CHN2: variants seen among roughly 807,000 people sequenced by gnomAD.
CHN2 encodes beta-chimaerin.
A neutral mutation model predicts 56.3 loss-of-function variants in CHN2; 35 were observed. The ratio of observed to expected loss-of-function variants is 0.62; its 90% CI spans 0.47 to 0.82. CHN2 has a LOEUF of 0.82. Ranked by LOEUF, CHN2 falls within the 40% of genes least tolerant of loss-of-function variation. The pLI is 0.00. For missense variants in CHN2, 491 were observed against 580.5 expected, an observed-to-expected ratio of 0.85 and a Z score of 1.58; for synonymous variants, 210 against 212.8, an observed-to-expected ratio of 0.99 and a Z score of 0.12.
chr7:29,296,133 G>C (rs1793139964), intron 1 of CHN2, among the ~76,000 whole-genome samples: 1 of 151,300 alleles, frequency 6.6e-6, no homozygotes, highest in Admixed American at 6.6e-5. Flanking sequence ...GCCCAGGCTG[G>C]AGTGCAGTGG....
intron 1 of CHN2, among the ~76,000 whole-genome samples, chr7:29,303,187 G>T (rs1793839983): frequency 6.6e-6 from 1 of 152,172 alleles, no homozygotes; most frequent in African/African-American, 2.4e-5. Flanking sequence ...GTTCCCCACA[G>T]CAAGACAGCT....
chr7:29,459,000 T>G (rs924411176), intron 6 of CHN2, among the ~76,000 whole-genome samples: 5 of 152,206 alleles, frequency 3.3e-5, no homozygotes, highest in African/African-American at 1.2e-4. Flanking sequence ...AGTGATCCTT[T>G]CACAAAGAAG....
intron 1 of CHN2, among the ~76,000 whole-genome samples, chr7:29,236,377 T>C (rs767446134): frequency 2.3e-4 from 35 of 152,234 alleles, no homozygotes; most frequent in Non-Finnish European, 4.1e-4. Context: ...GAAGCCCATC[T>C]TTGTGACTCA....
At chr7:29,424,392 A>G (rs1301499490) in intron 6 of CHN2, among the ~76,000 whole-genome samples, 1 of 152,092 alleles carries the variant, frequency 6.6e-6, no homozygotes, top group Non-Finnish European at 1.5e-5. Flanking sequence ...GGACATCTTC[A>G]GCAGTGATTT....
intron 2 of CHN2, among the ~76,000 whole-genome samples, chr7:29,183,266 TAG>T (rs984135594): frequency 1.3e-5 from 2 of 151,986 alleles, no homozygotes; most frequent in African/African-American, 4.8e-5. Context: ...GTATTTTCAG[TAG>T]AGACAGGGTT....
At chr7:29,299,031 A>C (rs1793425540) in intron 1 of CHN2, among the ~76,000 whole-genome samples, 1 of 152,158 alleles carries the variant, frequency 6.6e-6, no homozygotes, top group African/African-American at 2.4e-5. Flanking sequence ...AATTGAATTT[A>C]TTGGGAAAAA....
intron 3 of CHN2, 30 bp downstream of exon 3, chr7:29,368,017 T>C (rs1044590464): frequency 1.9e-6 from 3 of 1,578,770 alleles, no homozygotes; most frequent in African/African-American, 2.7e-5. Flanking sequence ...CAATACACCT[T>C]GTTAAATATG....
chr7:29,154,393 C>G (rs978401415), intron 2 of CHN2, among the ~76,000 whole-genome samples: 8 of 152,190 alleles, frequency 5.3e-5, no homozygotes, highest in Non-Finnish European at 1.2e-4. Context: ...CTCTTTGCCT[C>G]CCTTCACCTG....
chr7:29,407,526 A>G (rs2189439), intron 6 of CHN2, among the ~76,000 whole-genome samples: 87,311 of 151,808 alleles, frequency 0.58, 25,979 homozygotes, highest in African/African-American at 0.74. Context: ...GAACCTATAG[A>G]TTTTCTCTGC....
intron 6 of CHN2, chr7:29,479,956 C>T (rs1229677086): frequency 2.8e-6 from 4 of 1,449,830 alleles, no homozygotes; most frequent in Admixed American, 2.7e-5. Context: ...ATCACTCAAA[C>T]TGGGCCTTTC....
chr7:29,392,546 C>A (rs764548939), intron 3 of CHN2, among the ~76,000 whole-genome samples: 13 of 152,164 alleles, frequency 8.5e-5, no homozygotes, highest in Non-Finnish European at 1.5e-4. Context: ...TTAGAAGTGT[C>A]TAGATGATAA....
chr7:29,479,969 G>A, intron 6 of CHN2: 1 of 1,457,912 alleles, frequency 6.9e-7, no homozygotes, highest in East Asian at 2.5e-5. Flanking sequence ...GGCCTTTCAG[G>A]TCACATGCCG....
intron 1 of CHN2, among the ~76,000 whole-genome samples, chr7:29,195,687 G>C (rs1166994221): frequency 6.6e-6 from 1 of 151,130 alleles, no homozygotes; most frequent in African/African-American, 2.4e-5. Context: ...GAGATTTTCT[G>C]ATAATAGTGG....
intron 1 of CHN2, among the ~76,000 whole-genome samples, chr7:29,233,825 ATTTTTTTTT>A (rs1175429614): frequency 4.3e-4 from 23 of 53,202 alleles, no homozygotes; most frequent in East Asian, 3.0e-3. Context: ...CAACACCTTG[ATTTTTTTTT>A]TTTTTTTTTT....
chr7:29,321,307 TG>T (rs1257628618), intron 1 of CHN2, among the ~76,000 whole-genome samples: 1 of 152,048 alleles, frequency 6.6e-6, no homozygotes, highest in African/African-American at 2.4e-5. Context: ...GTCTATAGAG[TG>T]AAAATGGAGA....
intron 1 of CHN2, among the ~76,000 whole-genome samples, chr7:29,298,737 T>G (rs1793399554): frequency 6.6e-6 from 1 of 152,218 alleles, no homozygotes; most frequent in Admixed American, 6.5e-5. Context: ...GATTGCTGGT[T>G]GGTTTACAAG....
At chr7:29,200,338 C>A (rs1002234134) in intron 1 of CHN2, among the ~76,000 whole-genome samples, 1 of 139,390 alleles carries the variant, frequency 7.2e-6, no homozygotes, top group Non-Finnish European at 1.5e-5. Context: ...TTCTTCCCCT[C>A]CCCCTCCCTC....
intron 6 of CHN2, chr7:29,401,383 G>A (rs376988245): frequency 2.6e-5 from 4 of 152,226 alleles, no homozygotes; most frequent in African/African-American, 9.6e-5. Context: ...CAAGTCATTT[G>A]TGGGTTTATT....
At chr7:29,460,300 A>G (rs1457617916) in intron 6 of CHN2, among the ~76,000 whole-genome samples, 3 of 152,176 alleles carry the variant, frequency 2.0e-5, no homozygotes, top group African/African-American at 7.2e-5. Flanking sequence ...GCAAGGGCAA[A>G]CCCATCACCC....
Sources: allele counts gnomAD v4.1 joint callset (sites outside exome capture counted in the v4.1 genomes callset), GRCh38; gene constraint gnomAD v4.1.1; transcripts MANE v1.5; gene names NCBI Gene and HGNC (gene_info 2026-07-23, HGNC 2026-07-21).